The following LRRIQ3 variants were observed in gnomAD, a reference collection of about 807,000 sequenced individuals.
The protein encoded by LRRIQ3 is leucine-rich repeat and IQ domain-containing protein 3.
In LRRIQ3, 75 loss-of-function variants were observed where a neutral mutation model predicts 59.3. That is an observed-to-expected ratio of 1.26 (90% CI 1.05 to 1.53). LRRIQ3 has a LOEUF of 1.53. LRRIQ3 is among the 40% of genes most tolerant of loss of function. LRRIQ3 has a pLI of 0.00. For missense variants in LRRIQ3, 831 were observed against 710.0 expected (o/e 1.17, Z -1.94); for synonymous variants, 250 against 231.3 (o/e 1.08, Z -0.73).
At chr1:74,033,101 G>A (rs946118972) in intron 7 of LRRIQ3, among the ~76,000 whole-genome samples, 4 of 151,954 alleles carry the variant, frequency 2.6e-5, no homozygotes. Flanking sequence ...ATTTTAAATG[G>A]CTCTTGTAGG....
intron 6 of LRRIQ3, among the ~76,000 whole-genome samples, chr1:74,074,044 T>A (rs926631100): frequency 1.3e-5 from 2 of 152,162 alleles, no homozygotes; most frequent in Non-Finnish European, 2.9e-5. Context: ...AAAATTTAAC[T>A]AATTTGTAAT....
chr1:74,135,947 T>TA (rs1420765644), intron 4 of LRRIQ3, among the ~76,000 whole-genome samples: 1 of 151,702 alleles, frequency 6.6e-6, no homozygotes, highest in African/African-American at 2.4e-5. Flanking sequence ...AGAAAATTAA[T>TA]AAAATCATTG....
chr1:74,036,831 A>C (rs2100375161), intron 7 of LRRIQ3, among the ~76,000 whole-genome samples: 1 of 152,324 alleles, frequency 6.6e-6, no homozygotes, highest in South Asian at 2.1e-4. Flanking sequence ...GAGGGGCAGA[A>C]AAAAATGTGC....
chr1:74,124,461 A>T (rs1000060888), intron 4 of LRRIQ3, among the ~76,000 whole-genome samples: 5 of 151,822 alleles, frequency 3.3e-5, no homozygotes, highest in African/African-American at 9.7e-5. Context: ...GAATTTCCCC[A>T]ACGTTTTCTT....
At chr1:74,114,387 C>T (rs1166456270) in intron 4 of LRRIQ3, among the ~76,000 whole-genome samples, 1 of 152,040 alleles carries the variant, frequency 6.6e-6, no homozygotes, top group Admixed American at 6.6e-5. Context: ...GTCTCCAAAT[C>T]TCACTAGACT....
At chr1:74,163,303 T>C (rs1007199089) in intron 3 of LRRIQ3, among the ~76,000 whole-genome samples, 2 of 151,606 alleles carry the variant, frequency 1.3e-5, no homozygotes, top group Admixed American at 6.6e-5. Flanking sequence ...TGGTAAAAAA[T>C]CTGTGTGAAA....
At chr1:74,072,368 T>C (rs972834218) in intron 6 of LRRIQ3, among the ~76,000 whole-genome samples, 22 of 152,080 alleles carry the variant, frequency 1.4e-4, no homozygotes, top group African/African-American at 5.3e-4. Context: ...AGAGGTAGTA[T>C]AAAATCTTGC....
chr1:74,092,313 T>G (rs980138310), intron 5 of LRRIQ3, among the ~76,000 whole-genome samples: 1 of 152,128 alleles, frequency 6.6e-6, no homozygotes, highest in Non-Finnish European at 1.5e-5. Flanking sequence ...AACAAACATA[T>G]TAGTATCATT....
intron 4 of LRRIQ3, among the ~76,000 whole-genome samples, chr1:74,110,985 A>C: frequency 6.6e-6 from 1 of 152,056 alleles, no homozygotes; most frequent in East Asian, 1.9e-4. Context: ...AAGGGGGAGC[A>C]ATAACAATTT....
intron 5 of LRRIQ3, among the ~76,000 whole-genome samples, chr1:74,098,853 C>A (rs1441672136): frequency 6.6e-6 from 1 of 151,914 alleles, no homozygotes; most frequent in East Asian, 1.9e-4. Context: ...TCTTTGAAAC[C>A]AATGAGAAAA....
At chr1:74,096,241 A>T (rs1243855743) in intron 5 of LRRIQ3, among the ~76,000 whole-genome samples, 1 of 152,086 alleles carries the variant, frequency 6.6e-6, no homozygotes, top group Non-Finnish European at 1.5e-5. Flanking sequence ...AAACTCCATG[A>T]TACAGTAATG....
chr1:74,064,546 T>G (rs975879498), intron 6 of LRRIQ3, among the ~76,000 whole-genome samples: 15 of 152,046 alleles, frequency 9.9e-5, no homozygotes. Flanking sequence ...TGATGCCACT[T>G]GCTTTCAACT....
At chr1:74,062,265 A>G (rs1654740550) in intron 6 of LRRIQ3, among the ~76,000 whole-genome samples, 1 of 152,140 alleles carries the variant, frequency 6.6e-6, no homozygotes, top group Admixed American at 6.5e-5. Context: ...ACACTTTTCA[A>G]AAGAAGATAT....
intron 6 of LRRIQ3, among the ~76,000 whole-genome samples, chr1:74,053,624 T>G (rs754448916): frequency 6.6e-6 from 1 of 151,914 alleles, no homozygotes; most frequent in African/African-American, 2.4e-5. Context: ...GAGTTTCAGG[T>G]TGCAACAGGA....
chr1:74,103,793 C>CCCA (rs566438839), intron 5 of LRRIQ3, among the ~76,000 whole-genome samples: 201 of 151,456 alleles, frequency 1.3e-3, no homozygotes, highest in African/African-American at 4.6e-3. Context: ...TCCTTCCCCC[C>CCCA]CCCGCCATAT....
chr1:74,055,644 C>T (rs993630348), intron 6 of LRRIQ3, among the ~76,000 whole-genome samples: 2 of 151,944 alleles, frequency 1.3e-5, no homozygotes, highest in Non-Finnish European at 2.9e-5. Flanking sequence ...TTGTTTCCAC[C>T]TTTGAACTGC....
intron 7 of LRRIQ3, among the ~76,000 whole-genome samples, chr1:74,030,330 T>A (rs556319232): frequency 6.6e-5 from 10 of 152,214 alleles, no homozygotes; most frequent in African/African-American, 2.4e-4. Context: ...AGAACAAAGC[T>A]GGAGGCATCA....
intron 5 of LRRIQ3, among the ~76,000 whole-genome samples, chr1:74,103,025 T>G (rs965504874): frequency 6.6e-6 from 1 of 152,002 alleles, no homozygotes; most frequent in Non-Finnish European, 1.5e-5. Flanking sequence ...GTAGCTCTAG[T>G]ATCTTCTCTA....
At chr1:74,094,645 A>G (rs1646430125) in intron 5 of LRRIQ3, among the ~76,000 whole-genome samples, 1 of 152,162 alleles carries the variant, frequency 6.6e-6, no homozygotes, top group African/African-American at 2.4e-5. Context: ...ATAGAAAACT[A>G]ATATACATGC....
Sources: gnomAD v4.1 joint callset for allele counts (sites outside exome capture counted in the v4.1 genomes callset) on GRCh38, gnomAD v4.1.1 for gene constraint, MANE v1.5 for transcripts, NCBI Gene and HGNC (gene_info 2026-07-23, HGNC 2026-07-21) for gene names.